Variants in AKAP13 observed in about 807,000 individuals in gnomAD.
AKAP13 encodes the protein A-kinase anchor protein 13.
Under a neutral mutation model 264.5 loss-of-function variants are expected in AKAP13, and 80 were observed. That is an observed-to-expected ratio of 0.30 (90% CI 0.25 to 0.36). The LOEUF is 0.36. AKAP13 is among the 10% of genes least tolerant of loss of function. AKAP13 has a pLI of 1.00. For synonymous variants in AKAP13, 1,380 were observed against 1,250.2 expected (o/e 1.10, Z -2.19); for missense variants, 3,712 against 3,435.2 (o/e 1.08, Z -2.01).
chr15:85,482,042 G>T (rs2075368344), intron 1 of AKAP13, among the ~76,000 whole-genome samples: 1 of 152,206 alleles, frequency 6.6e-6, no homozygotes. Context: ...ACCAAAAACT[G>T]CCTTCCTGTA....
chr15:85,617,808 G>A (rs12898520), intron 8 of AKAP13, among the ~76,000 whole-genome samples: 94,847 of 152,108 alleles, frequency 0.62, 29,710 homozygotes, highest in Middle Eastern at 0.73. Context: ...GGCTCTTTCT[G>A]TCTGTGCCCT....
chr15:85,717,122 A>G, intron 20 of AKAP13, 168 bp from the exon 21 acceptor site: 2 of 529,222 alleles, frequency 3.8e-6, no homozygotes, highest in South Asian at 5.3e-5. Flanking sequence ...CGACTTTGTT[A>G]CCAGGCCATG....
chr15:85,403,073 T>TAC lies in AKAP13; in HGVS notation c.-12+22276_-12+22277dup, dbSNP rs558485906. On this transcript the variant is annotated intron_variant, in intron 1 of 36. Transcript: ENST00000394518. ...AGAAATGATTTGATTATATTGTATA[T>TAC]ACCATTCCTTATCTGTTAGGTCCTC... Among the ~76,000 whole-genome samples the TAC allele has an allele frequency of 4.4e-3, 666 of 152,324 alleles. 4 individuals carry two copies. Among genetic ancestry groups the TAC allele is most frequent in the Non-Finnish European group, 7.1e-3 (481 of 68,034 alleles).
At chr15:85,457,617 G>A (rs368253624) in intron 1 of AKAP13, among the ~76,000 whole-genome samples, 2 of 152,124 alleles carry the variant, frequency 1.3e-5, no homozygotes, top group African/African-American at 2.4e-5. Context: ...CTGTTTCCTC[G>A]GGTTGCATGG....
intron 8 of AKAP13, among the ~76,000 whole-genome samples, chr15:85,605,579 T>C (rs968559073): frequency 6.6e-6 from 1 of 152,178 alleles, no homozygotes; most frequent in Non-Finnish European, 1.5e-5. Context: ...ACATGGCACA[T>C]GTTTACCTAT....
intron 1 of AKAP13, among the ~76,000 whole-genome samples, chr15:85,442,848 A>G (rs114444889): frequency 3.4e-4 from 51 of 152,174 alleles, no homozygotes; most frequent in African/African-American, 1.2e-3. Context: ...GAGAAGGGAA[A>G]AGGATGGGAA....
intron 13 of AKAP13, among the ~76,000 whole-genome samples, chr15:85,666,443 T>C (rs1261127306): frequency 8.1e-5 from 1 of 12,366 alleles, no homozygotes; most frequent in Non-Finnish European, 1.4e-4. Context: ...GAGGGGTAGA[T>C]TGCAAAAATT....
rs555268991 is a variant in AKAP13, at chr15:85,747,273, C to T, written c.*2596C>T. On this transcript the variant is annotated 3_prime_UTR_variant, in exon 37 of 37. Coordinates refer to ENST00000394518, the MANE Select transcript of AKAP13 (RefSeq NM_007200.5). ...AAGTTGTCCTCAGGGGGATTTGTTCCTGTCCTGGGGATTTACCTGGGATGG... is the reference window on the plus strand; with the variant it reads ...AAGTTGTCCTCAGGGGGATTTGTTCTTGTCCTGGGGATTTACCTGGGATGG... 6.6e-6 allele frequency: 1 copy of T among 152,462 alleles called. No individual in the cohort carries two copies. The highest frequency in any genetic ancestry group is 1.5e-5 in the Non-Finnish European group (1 of 68,078). The allele number at this position is 152,462 out of a possible 1,614,324, so 9.4% of individuals were successfully genotyped here.
chr15:85,487,760 C>T (rs1299906316), intron 2 of AKAP13, among the ~76,000 whole-genome samples: 1 of 151,304 alleles, frequency 6.6e-6, no homozygotes, highest in East Asian at 1.9e-4. Context: ...GAGACAAGGT[C>T]TTGCTCTGTC....
chr15:85,677,838 C>A (rs747736965), intron 14 of AKAP13, among the ~76,000 whole-genome samples: 1 of 151,918 alleles, frequency 6.6e-6, no homozygotes, highest in Non-Finnish European at 1.5e-5. Context: ...TTAGTAGAGA[C>A]GGGGTTTCAC....
chr15:85,636,654 G>A (rs985243884), intron 8 of AKAP13, among the ~76,000 whole-genome samples: 1 of 145,810 alleles, frequency 6.9e-6, no homozygotes, highest in Non-Finnish European at 1.5e-5. Flanking sequence ...TTGCTTTGTT[G>A]TCCAGGCTGG....
intron 1 of AKAP13, among the ~76,000 whole-genome samples, chr15:85,473,056 C>G (rs2075018118): frequency 6.6e-6 from 1 of 152,198 alleles, no homozygotes; most frequent in Non-Finnish European, 1.5e-5. Context: ...CATAAAATCA[C>G]TGTTGTAACA....
intron 13 of AKAP13, among the ~76,000 whole-genome samples, chr15:85,668,055 A>G (rs1215700605): frequency 6.6e-6 from 1 of 152,184 alleles, no homozygotes; most frequent in Middle Eastern, 3.2e-3. Context: ...ACCTCAGAGT[A>G]GGCATTTGAG....
At chr15:85,412,194 T>TA (rs1478010276) in intron 1 of AKAP13, among the ~76,000 whole-genome samples, 1 of 152,234 alleles carries the variant, frequency 6.6e-6, no homozygotes, top group Non-Finnish European at 1.5e-5. Flanking sequence ...CGGTCATTGA[T>TA]ACAGTTTCAG....
At chr15:85,402,777 G>A (rs561766080) in intron 1 of AKAP13, among the ~76,000 whole-genome samples, 71 of 152,238 alleles carry the variant, frequency 4.7e-4, no homozygotes, top group African/African-American at 1.6e-3. Context: ...GGTAGTTGAG[G>A]CTTACTAAGA....
At position 85,534,116 on chromosome 15, in the gene AKAP13, G is replaced by A. The variant is rs563597186; in HGVS notation, c.478+236G>A. 8.4e-5 allele frequency: 38 copies of A among 452,170 alleles called. No individual in the cohort carries two copies. The East Asian group carries it at 1.0e-3, about 12-fold the overall frequency. The allele number at this position is 452,170 out of a possible 1,614,324, so 28.0% of individuals were successfully genotyped here. ...AGGGATTACCCAAGGAGAGTGGCAC[G>A]TCACCTTCCTGTGGGTCTGGATTTC... On this transcript the variant is annotated intron_variant, in intron 4 of 36. Transcript: ENST00000394518.
chr15:85,669,739 G>A lies in AKAP13; in HGVS notation c.5010G>A (p.Lys1670=). ...CTTCACAGATATGTCACAGATCTAA[G>A]CAGCAGGGATTTAATTACTGTACAT... ...MFDQQICHRS[K]QQGFNYCTSA... The change falls in exon 14 of 37, where the codon AAG becomes AAA. Residue 1670 remains lysine, a synonymous_variant. Coordinates refer to ENST00000394518, the MANE Select transcript of AKAP13 (RefSeq NM_007200.5). 6.2e-7 allele frequency: 1 copy of A among 1,612,484 alleles called. No homozygotes were observed. The highest frequency in any genetic ancestry group is 8.5e-7 in the Non-Finnish European group (1 of 1,178,618).
At chr15:85,420,664 C>T (rs946668818) in intron 1 of AKAP13, among the ~76,000 whole-genome samples, 13 of 151,888 alleles carry the variant, frequency 8.6e-5, no homozygotes, top group Admixed American at 5.2e-4. Flanking sequence ...GGACCATTTT[C>T]GAAGGAGGTC....
At chr15:85,451,289 T>C (rs1366498249) in intron 1 of AKAP13, among the ~76,000 whole-genome samples, 1 of 152,224 alleles carries the variant, frequency 6.6e-6, no homozygotes, top group Non-Finnish European at 1.5e-5. Context: ...ATGGGTCTCT[T>C]GAAGACAGCA....
Sources: gnomAD v4.1 joint callset for allele counts (sites outside exome capture counted in the v4.1 genomes callset) on GRCh38, gnomAD v4.1.1 for gene constraint, MANE v1.5 for transcripts, NCBI Gene and HGNC (gene_info 2026-07-23, HGNC 2026-07-21) for gene names.